Variants in ATRNL1 observed in about 807,000 individuals in gnomAD.
ATRNL1 encodes the protein attractin-like protein 1.
ATRNL1 carries 95 observed loss-of-function variants against 182.7 expected under a neutral mutation model. The ratio of observed to expected loss-of-function variants is 0.52; its 90% CI spans 0.44 to 0.62. The LOEUF is 0.62. Among genes scored for constraint, ATRNL1 ranks in the 20% least tolerant of loss-of-function variants. The pLI is 0.00. For synonymous variants in ATRNL1, 576 were observed against 568.3 expected (o/e 1.01, Z -0.19); for missense variants, 1,471 against 1,679.5 (o/e 0.88, Z 2.17).
At chr10:115,217,532 G>A (rs1849280969) in intron 9 of ATRNL1, among the ~76,000 whole-genome samples, 1 of 152,178 alleles carries the variant, frequency 6.6e-6, no homozygotes, top group African/African-American at 2.4e-5. Context: ...GGATAAGAGA[G>A]CAGAATTGGA....
intron 28 of ATRNL1, among the ~76,000 whole-genome samples, chr10:115,885,686 T>C: frequency 6.6e-6 from 1 of 152,346 alleles, no homozygotes; most frequent in African/African-American, 2.4e-5. Flanking sequence ...TGAATCTCAC[T>C]GTATCTACAT....
intron 27 of ATRNL1, among the ~76,000 whole-genome samples, chr10:115,765,766 T>G (rs1394777833): frequency 6.6e-6 from 1 of 152,194 alleles, no homozygotes; most frequent in East Asian, 1.9e-4. Context: ...GTTGTATCAT[T>G]TTGCATTTTA....
intron 8 of ATRNL1, among the ~76,000 whole-genome samples, chr10:115,183,695 G>A (rs74486831): frequency 0.012 from 1,871 of 151,484 alleles, 35 homozygotes; most frequent in African/African-American, 0.042. Context: ...AAAGCACCAG[G>A]CCTAGATGAT....
intron 28 of ATRNL1, among the ~76,000 whole-genome samples, chr10:115,939,274 C>T (rs1417275020): frequency 1.3e-5 from 2 of 152,138 alleles, no homozygotes; most frequent in Non-Finnish European, 2.9e-5. Context: ...GCTTGTCCTG[C>T]CCTAGGTGAA....
intron 27 of ATRNL1, among the ~76,000 whole-genome samples, chr10:115,827,348 G>A (rs1555092301): frequency 6.6e-6 from 1 of 152,218 alleles, no homozygotes; most frequent in Non-Finnish European, 1.5e-5. Flanking sequence ...ATTGGCTTGT[G>A]TGCTGGGATT....
chr10:115,356,652 G>T (rs1354776986), intron 19 of ATRNL1, among the ~76,000 whole-genome samples: 1 of 151,820 alleles, frequency 6.6e-6, no homozygotes, highest in African/African-American at 2.4e-5. Context: ...TTCCCCTGGG[G>T]AACTTTGCCA....
chr10:115,544,473 A>G (rs1005994597), intron 25 of ATRNL1, among the ~76,000 whole-genome samples: 2 of 152,292 alleles, frequency 1.3e-5, no homozygotes, highest in East Asian at 3.9e-4. Context: ...GAAGTTTACA[A>G]TCATGGTAGA....
At chr10:115,245,632 C>G (rs1457176807) in intron 10 of ATRNL1, among the ~76,000 whole-genome samples, 1 of 151,722 alleles carries the variant, frequency 6.6e-6, no homozygotes, top group Non-Finnish European at 1.5e-5. Flanking sequence ...CATATAATTT[C>G]ATAGCAAAAT....
At chr10:115,685,088 C>T (rs1946174105) in intron 26 of ATRNL1, among the ~76,000 whole-genome samples, 1 of 151,538 alleles carries the variant, frequency 6.6e-6, no homozygotes, top group South Asian at 2.1e-4. Context: ...TTTCACTGTA[C>T]AATTAGAAAA....
intron 24 of ATRNL1, among the ~76,000 whole-genome samples, chr10:115,482,148 C>A (rs1367470933): frequency 6.6e-6 from 1 of 150,926 alleles, no homozygotes; most frequent in African/African-American, 2.4e-5. Flanking sequence ...TAAGATTATA[C>A]TTCTACTTGG....
chr10:115,594,715 G>A (rs191316698), intron 26 of ATRNL1, among the ~76,000 whole-genome samples: 1 of 152,240 alleles, frequency 6.6e-6, no homozygotes, highest in African/African-American at 2.4e-5. Flanking sequence ...ATGTTGGCCA[G>A]GCTGGTCTTA....
At chr10:115,138,397 C>T (rs1006080355) in intron 5 of ATRNL1, among the ~76,000 whole-genome samples, 3 of 152,236 alleles carry the variant, frequency 2.0e-5, no homozygotes, top group African/African-American at 7.2e-5. Flanking sequence ...CAGAGGTTCT[C>T]CATGAGGGCT....
chr10:115,116,947 A>G (rs1267108726), intron 1 of ATRNL1, among the ~76,000 whole-genome samples: 4 of 152,030 alleles, frequency 2.6e-5, no homozygotes, highest in African/African-American at 4.8e-5. Context: ...AGGTACTCCT[A>G]TTGTTTAGCT....
At chr10:115,871,535 A>G (rs916590700) in intron 28 of ATRNL1, among the ~76,000 whole-genome samples, 61 of 148,940 alleles carry the variant, frequency 4.1e-4, no homozygotes, top group Non-Finnish European at 7.3e-4. Flanking sequence ...TTGAAATCTA[A>G]TTCCACTGCA....
chr10:115,238,079 C>T (rs1554901905), intron 9 of ATRNL1, among the ~76,000 whole-genome samples: 1 of 152,094 alleles, frequency 6.6e-6, no homozygotes, highest in Non-Finnish European at 1.5e-5. Flanking sequence ...GCTCTCTATT[C>T]TGTTTCCTTG....
chr10:115,712,359 C>T (rs1351027769), intron 26 of ATRNL1, among the ~76,000 whole-genome samples: 2 of 152,146 alleles, frequency 1.3e-5, no homozygotes, highest in African/African-American at 4.8e-5. Flanking sequence ...TGTGGCCAAA[C>T]ACCATACCAG....
chr10:115,810,236 C>T (rs188797481), intron 27 of ATRNL1, among the ~76,000 whole-genome samples: 1 of 152,012 alleles, frequency 6.6e-6, no homozygotes, highest in East Asian at 1.9e-4. Context: ...GTATACTAGT[C>T]AGTAATTTTT....
Position 115,372,166 on chromosome 10 carries a change from G to A in ATRNL1, c.3176-22493G>A, listed in dbSNP as rs538047881. ...TGAGTATGTCTTTATCAGTAGCGTG[G>A]AAACGGACTAATACATGTTCTTTGT... is the stretch of plus-strand genomic sequence containing the variant. On this transcript the variant is annotated intron_variant, in intron 19 of 28. Coordinates refer to ENST00000355044, the MANE Select transcript of ATRNL1 (RefSeq NM_207303.4). Among the ~76,000 whole-genome samples, 12 of 152,264 alleles carry A rather than the reference G, an allele frequency of 7.9e-5. No individual in the cohort carries two copies. The South Asian group carries it at 2.3e-3, about 29-fold the overall frequency.
Position 115,944,969 on chromosome 10 carries a change from C to A in ATRNL1, c.*190C>A. On this transcript the variant is annotated 3_prime_UTR_variant, in exon 29 of 29. Coordinates refer to ENST00000355044, the MANE Select transcript of ATRNL1 (RefSeq NM_207303.4). ...TGAGTTTTATAAAAGTATTGATGGT[C>A]ACAGGTGATAAAGTCAGTTTTTACC... is the stretch of plus-strand genomic sequence containing the variant. 1.9e-6 allele frequency: 1 copy of A among 518,644 alleles called. No individual in the cohort carries two copies. Among genetic ancestry groups the A allele is most frequent in the Non-Finnish European group, 3.0e-6 (1 of 329,022 alleles). The allele number at this position is 518,644 out of a possible 1,614,324, so 32.1% of individuals were successfully genotyped here. A position where few individuals can be genotyped will look rare whatever the true frequency, so the allele number is the denominator to read the frequency against.
Sources: allele counts gnomAD v4.1 joint callset (sites outside exome capture counted in the v4.1 genomes callset), GRCh38; gene constraint gnomAD v4.1.1; transcripts MANE v1.5; gene names NCBI Gene and HGNC (gene_info 2026-07-23, HGNC 2026-07-21).